Variants in ATP8B4 observed in about 807,000 individuals in gnomAD.
ATP8B4 encodes the protein ATPase phospholipid transporting 8B4 (putative), also known as probable phospholipid-transporting ATPase IM.
In ATP8B4, 133 loss-of-function variants were observed where a neutral mutation model predicts 145.6. The observed-to-expected ratio is 0.91, with a 90% CI of 0.79 to 1.05. The LOEUF (loss-of-function observed/expected upper bound fraction) is 1.05. ATP8B4 is among the 50% of genes least tolerant of loss of function. The pLI is 0.00. For missense variants in ATP8B4, 1,458 were observed against 1,425.2 expected, an observed-to-expected ratio of 1.02 and a Z score of -0.37; for synonymous variants, 507 against 492.9, an observed-to-expected ratio of 1.03 and a Z score of -0.38.
chr15:49,900,629 G>A (rs1286128308), intron 21 of ATP8B4, among the ~76,000 whole-genome samples: 5 of 152,146 alleles, frequency 3.3e-5, no homozygotes, highest in African/African-American at 1.2e-4. Flanking sequence ...CTGCTATTTA[G>A]AAAAACCACT....
intron 3 of ATP8B4, among the ~76,000 whole-genome samples, chr15:50,057,974 TA>T (rs1286499608): frequency 4.6e-5 from 7 of 151,952 alleles, no homozygotes; most frequent in African/African-American, 1.7e-4. Flanking sequence ...TTGTGACATC[TA>T]AAAAGGGACT....
intron 7 of ATP8B4, among the ~76,000 whole-genome samples, chr15:50,003,978 C>T (rs1417663185): frequency 1.3e-5 from 2 of 152,168 alleles, no homozygotes; most frequent in African/African-American, 2.4e-5. Context: ...CCATAGGTTC[C>T]GGGCTAACTG....
intron 1 of ATP8B4, among the ~76,000 whole-genome samples, chr15:50,151,562 T>C (rs2044347216): frequency 6.6e-6 from 1 of 152,074 alleles, no homozygotes; most frequent in South Asian, 2.1e-4. Context: ...TCTGACATGG[T>C]CAACATGGCG....
At chr15:50,096,439 A>T (rs2055992632) in intron 2 of ATP8B4, among the ~76,000 whole-genome samples, 1 of 152,230 alleles carries the variant, frequency 6.6e-6, no homozygotes, top group Non-Finnish European at 1.5e-5. Context: ...ACACAAACTT[A>T]GGAAGGGTTT....
chr15:49,935,824 T>C (rs1649284744), intron 14 of ATP8B4, among the ~76,000 whole-genome samples: 1 of 152,176 alleles, frequency 6.6e-6, no homozygotes, highest in Non-Finnish European at 1.5e-5. Flanking sequence ...TCCAAAAATA[T>C]AGGCATATCC....
At chr15:49,894,851 A>G (rs1425183373) in intron 23 of ATP8B4, 1 of 152,246 alleles carries the variant, frequency 6.6e-6, no homozygotes, top group Non-Finnish European at 1.5e-5. Flanking sequence ...AGGACTATAG[A>G]AACACCCACC....
intron 12 of ATP8B4, among the ~76,000 whole-genome samples, chr15:49,979,270 A>AC (rs1567129662): frequency 6.6e-6 from 1 of 152,068 alleles, no homozygotes; most frequent in African/African-American, 2.4e-5. Flanking sequence ...GCAAAGAGGC[A>AC]CCCTCTCTAT....
chr15:49,999,249 T>C (rs1265205911), intron 8 of ATP8B4, among the ~76,000 whole-genome samples: 2 of 151,586 alleles, frequency 1.3e-5, no homozygotes, highest in African/African-American at 2.4e-5. Context: ...ATGGATGAAA[T>C]TGGAAATCAT....
rs60436585 is a variant in ATP8B4 at position 49,978,739 on chromosome 15, TACACACACACACACACACAC to T, written c.1034+858_1034+877del. Among the ~76,000 whole-genome samples, 922 of 122,856 alleles carry T rather than the reference TACACACACACACACACACAC, an allele frequency of 7.5e-3. 14 individuals are homozygous for T. The highest frequency in any genetic ancestry group is 0.046 in the South Asian group (152 of 3,292). The allele number at this position is 122,856 out of a possible 152,430, so 80.6% of individuals were successfully genotyped here. On this transcript the variant is annotated intron_variant, in intron 12 of 27. Transcript: ENST00000284509. Reference sequence around the variant, plus strand: ...GGGCCAATTTCTAAGCTTTATCAAATACACACACACACACACACACACACACACACACACACACACACACA... The same window carrying T: ...GGGCCAATTTCTAAGCTTTATCAAATACACACACACACACACACACACACA...
intron 3 of ATP8B4, among the ~76,000 whole-genome samples, chr15:50,049,822 T>G (rs1188487202): frequency 1.3e-5 from 2 of 152,206 alleles, no homozygotes; most frequent in African/African-American, 2.4e-5. Context: ...TATTTTTTTT[T>G]CTTTTTTTAC....
At chr15:50,064,650 T>C (rs2053253809) in intron 3 of ATP8B4, among the ~76,000 whole-genome samples, 1 of 152,196 alleles carries the variant, frequency 6.6e-6, no homozygotes, top group African/African-American at 2.4e-5. Context: ...ATACTTGATG[T>C]ATTAGTCTAT....
At chr15:50,048,125 T>A (rs2051867127) in intron 3 of ATP8B4, among the ~76,000 whole-genome samples, 1 of 152,156 alleles carries the variant, frequency 6.6e-6, no homozygotes, top group African/African-American at 2.4e-5. Context: ...TGAATGATCC[T>A]GTCGTCAGGT....
At chr15:50,144,506 A>G (rs1456164782) in intron 1 of ATP8B4, among the ~76,000 whole-genome samples, 1 of 152,128 alleles carries the variant, frequency 6.6e-6, no homozygotes, top group African/African-American at 2.4e-5. Context: ...AGAAGAGCAA[A>G]AAGGGAAAAT....
intron 14 of ATP8B4, among the ~76,000 whole-genome samples, chr15:49,947,059 G>C (rs1370751907): frequency 6.6e-6 from 1 of 152,220 alleles, no homozygotes; most frequent in Non-Finnish European, 1.5e-5. Flanking sequence ...TATCACGGTA[G>C]GGTTGTTGCT....
At chr15:49,928,228 G>A (rs956312793) in intron 16 of ATP8B4, among the ~76,000 whole-genome samples, 1 of 152,134 alleles carries the variant, frequency 6.6e-6, no homozygotes, top group African/African-American at 2.4e-5. Flanking sequence ...TTATGAACAA[G>A]GCATTCTGGG....
At chr15:49,979,277 C>G (rs1016562029) in intron 12 of ATP8B4, among the ~76,000 whole-genome samples, 1 of 152,084 alleles carries the variant, frequency 6.6e-6, no homozygotes, top group African/African-American at 2.4e-5. Context: ...GGCACCCTCT[C>G]TATAGATCTC....
intron 1 of ATP8B4, among the ~76,000 whole-genome samples, chr15:50,156,281 C>G (rs2044418590): frequency 6.6e-6 from 1 of 151,366 alleles, no homozygotes; most frequent in Admixed American, 6.6e-5. Context: ...GACAGAGATA[C>G]TTGATATAAT....
intron 20 of ATP8B4, among the ~76,000 whole-genome samples, chr15:49,912,660 A>T (rs2039348819): frequency 6.6e-6 from 1 of 152,204 alleles, no homozygotes; most frequent in Admixed American, 6.5e-5. Flanking sequence ...ATTCTCCCTA[A>T]CTTGTTCTAC....
Position 50,074,165 on chromosome 15 carries a change from C to T in ATP8B4, c.49G>A (p.Ala17Thr). The T allele has an allele frequency of 6.2e-7, 1 of 1,612,710 alleles. No homozygotes were observed. The highest frequency in any genetic ancestry group is 8.5e-7 in the Non-Finnish European group (1 of 1,179,168). Residue 17 changes from alanine to threonine, a missense_variant, in exon 3 of 28, where the codon GCC becomes ACC. Transcript: ENST00000284509. ...TTTTCATTATATTCACGGTCATTGG[C>T]TTTCACTATCCGTTCCACTTCTAAA... ...KLREVERIVK[A>T]NDREYNEKFQ... is the part of the protein sequence containing the mutation.
Sources: allele counts gnomAD v4.1 joint callset (sites outside exome capture counted in the v4.1 genomes callset), GRCh38; gene constraint gnomAD v4.1.1; transcripts MANE v1.5; gene names NCBI Gene and HGNC (gene_info 2026-07-23, HGNC 2026-07-21).